Variants in FAM135B observed in about 807,000 individuals in gnomAD.
FAM135B encodes the protein family with sequence similarity 135 member B.
A neutral mutation model predicts 127.7 loss-of-function variants in FAM135B; 43 were observed. The observed-to-expected ratio is 0.34, with a 90% CI of 0.26 to 0.43. The LOEUF is 0.43. Ranked by LOEUF, FAM135B falls within the 20% of genes least tolerant of loss-of-function variation. FAM135B has a pLI of 1.00. For missense variants in FAM135B, 1,558 were observed against 1,725.6 expected, an observed-to-expected ratio of 0.90 and a Z score of 1.72; for synonymous variants, 670 against 665.1, an observed-to-expected ratio of 1.01 and a Z score of -0.11.
At chr8:138,371,075 C>T (rs1393774152) in intron 1 of FAM135B, among the ~76,000 whole-genome samples, 2 of 152,180 alleles carry the variant, frequency 1.3e-5, no homozygotes, top group African/African-American at 2.4e-5. Context: ...TTGAGAACCA[C>T]TGGCCTAAAG....
At chr8:138,205,160 C>T (rs991330088) in intron 7 of FAM135B, among the ~76,000 whole-genome samples, 1 of 152,168 alleles carries the variant, frequency 6.6e-6, no homozygotes, top group African/African-American at 2.4e-5. Flanking sequence ...GAATTAAGTG[C>T]TTTATGTGTA....
chr8:138,229,118 G>A lies in FAM135B; in HGVS notation c.669+13824C>T, dbSNP rs74800056. On this transcript the variant is annotated intron_variant, in intron 7 of 19. Coordinates refer to ENST00000395297, the MANE Select transcript of FAM135B (RefSeq NM_015912.4). The stretch of plus-strand genomic sequence containing the variant: ...CAATGCTGTCAGCACAATGCTGTTT[G>A]GTCAGTTTCTGGCTGTCTTCATTAC... Among the ~76,000 whole-genome samples, 1,203 of 152,200 alleles carry A rather than the reference G, an allele frequency of 7.9e-3. 58 individuals are homozygous for A. The East Asian group carries it at 0.13, about 16-fold the overall frequency.
intron 7 of FAM135B, among the ~76,000 whole-genome samples, chr8:138,222,701 T>A (rs751759613): frequency 5.4e-4 from 70 of 129,926 alleles, no homozygotes; most frequent in Non-Finnish European, 7.7e-4. Flanking sequence ...TTTTTTTTTT[T>A]AATTCTGAGC....
At chr8:138,146,133 C>G (rs1329484380) in intron 14 of FAM135B, 83 bp from the exon 15 acceptor site, 1 of 700,358 alleles carries the variant, frequency 1.4e-6, no homozygotes, top group Non-Finnish European at 2.5e-6. Context: ...TTTCTCTCTC[C>G]CTCTTTCCCC....
At chr8:138,222,255 G>T (rs1396321790) in intron 7 of FAM135B, among the ~76,000 whole-genome samples, 1 of 152,204 alleles carries the variant, frequency 6.6e-6, no homozygotes, top group Non-Finnish European at 1.5e-5. Context: ...GGTAGTGGCA[G>T]ATAAAAGGGG....
At chr8:138,188,737 G>A (rs1445173720) in intron 9 of FAM135B, among the ~76,000 whole-genome samples, 5 of 152,098 alleles carry the variant, frequency 3.3e-5, no homozygotes, top group Non-Finnish European at 5.9e-5. Flanking sequence ...TGCACCTCAC[G>A]CCTTGCTGCT....
At chr8:138,278,601 T>C (rs1440844733) in intron 3 of FAM135B, among the ~76,000 whole-genome samples, 1 of 123,646 alleles carries the variant, frequency 8.1e-6, no homozygotes, top group Non-Finnish European at 1.6e-5. Flanking sequence ...TCTTGCTCTG[T>C]CGCCCAGGCT....
chr8:138,198,487 G>A (rs1816843847), intron 7 of FAM135B, among the ~76,000 whole-genome samples: 1 of 152,190 alleles, frequency 6.6e-6, no homozygotes, highest in Non-Finnish European at 1.5e-5. Flanking sequence ...AAAGACCCTT[G>A]TAGCAGGTGG....
intron 9 of FAM135B, among the ~76,000 whole-genome samples, chr8:138,181,111 G>A (rs983070140): frequency 1.6e-4 from 25 of 151,862 alleles, no homozygotes; most frequent in Admixed American, 1.6e-3. Flanking sequence ...CATGGTGGCA[G>A]GTGCCTATAG....
chr8:138,151,869 T>C lies in FAM135B; in HGVS notation c.2606A>G (p.Asn869Ser). The change falls in exon 13 of 20, where the codon AAC becomes AGC. Residue 869 changes from asparagine (N) to serine (S), a missense_variant. Coordinates refer to ENST00000395297, the MANE Select transcript of FAM135B (RefSeq NM_015912.4). ...ACCTTTGGTTTCAACACCTGGAGTG[T>C]TCTCAGTCCTGCCATCAGGAAGACA... ...GHCLPDGRTE[N>S]TPGVETKGLN... 6.2e-7 allele frequency: 1 copy of C among 1,614,046 alleles called. No individual in the cohort carries two copies. Among genetic ancestry groups the C allele is most frequent in the Non-Finnish European group, 8.5e-7 (1 of 1,179,904 alleles).
intron 1 of FAM135B, among the ~76,000 whole-genome samples, chr8:138,445,251 T>C (rs1026059957): frequency 6.6e-6 from 1 of 152,218 alleles, no homozygotes; most frequent in Non-Finnish European, 1.5e-5. Context: ...CCATTCCTTC[T>C]GAAACTATTC....
chr8:138,217,080 G>T (rs1162972824), intron 7 of FAM135B, among the ~76,000 whole-genome samples: 1 of 152,152 alleles, frequency 6.6e-6, no homozygotes, highest in African/African-American at 2.4e-5. Flanking sequence ...TGTAAGCATT[G>T]CCTGTCACCA....
chr8:138,371,517 A>T (rs1831122178), intron 1 of FAM135B, among the ~76,000 whole-genome samples: 1 of 152,152 alleles, frequency 6.6e-6, no homozygotes, highest in Non-Finnish European at 1.5e-5. Context: ...TTCAGGTGCA[A>T]GTTTCTGAGA....
In FAM135B at chr8:138,143,072, C is replaced by T. The variant is rs761090729; in HGVS notation, c.3578G>A (p.Arg1193Gln). ...GTGTTGAATGATTTCATCCAATAAC[C>T]GATCCGTCATAGTATCAAAATCTGC... ...TFADFDTMTD[R>Q]LLDEIIQHIQ... Residue 1193 changes from arginine (R) to glutamine (Q), a missense_variant, in exon 16 of 20, where the codon CGG becomes CAG. Around this residue, in one of 5 missense-constraint regions of FAM135B, gnomAD observed 194 missense variants for 333.8 expected, o/e 0.58. Coordinates refer to ENST00000395297, the MANE Select transcript of FAM135B (RefSeq NM_015912.4). The T allele has an allele frequency of 5.6e-6, 9 of 1,610,012 alleles. No homozygotes were observed. Among genetic ancestry groups the T allele is most frequent in the South Asian group, 2.2e-5 (2 of 91,016 alleles).
Position 138,295,166 on chromosome 8 carries a change from A to C in FAM135B, c.157+15675T>G, listed in dbSNP as rs577078339. 7.5e-4 allele frequency among the ~76,000 whole-genome samples: 98 copies of C among 130,222 alleles called. 2 individuals carry two copies. In the South Asian group the frequency reaches 0.024, roughly 32 times the overall value. 85.4% of individuals were successfully genotyped at this position (130,222 alleles called of 152,430 possible). A position where few individuals can be genotyped will look rare whatever the true frequency, so the allele number is the denominator to read the frequency against. ...CCCTTGCCCAGGCTCCTCAATGCAC[A>C]AGCACAGGAAGGGCTGACGTCTAGC... On this transcript the variant is annotated intron_variant, in intron 3 of 19. Coordinates refer to ENST00000395297, the MANE Select transcript of FAM135B (RefSeq NM_015912.4).
intron 1 of FAM135B, among the ~76,000 whole-genome samples, chr8:138,487,044 C>T (rs1443953687): frequency 6.6e-6 from 1 of 151,960 alleles, no homozygotes; most frequent in East Asian, 1.9e-4. Context: ...TATACATGTG[C>T]CAGTTTTCAA....
At chr8:138,390,301 C>T (rs1832475358) in intron 1 of FAM135B, among the ~76,000 whole-genome samples, 1 of 152,072 alleles carries the variant, frequency 6.6e-6, no homozygotes, top group African/African-American at 2.4e-5. Flanking sequence ...GGGCGGTTTC[C>T]CCCAGCTGTT....
chr8:138,396,147 C>T (rs1221843135), intron 1 of FAM135B, among the ~76,000 whole-genome samples: 8 of 152,330 alleles, frequency 5.3e-5, no homozygotes, highest in South Asian at 2.1e-4. Flanking sequence ...AGAAGACCAG[C>T]GCTTCCCCTT....
intron 2 of FAM135B, among the ~76,000 whole-genome samples, chr8:138,339,621 T>C (rs1284580886): frequency 6.6e-6 from 1 of 152,116 alleles, no homozygotes; most frequent in African/African-American, 2.4e-5. Flanking sequence ...ACAGATTGCA[T>C]ATGTGTCACA....
Sources: gnomAD v4.1 joint callset for allele counts (sites outside exome capture counted in the v4.1 genomes callset) on GRCh38, gnomAD v4.1.1 for gene constraint, gnomAD v4.1.1 regional missense constraint, MANE v1.5 for transcripts, NCBI Gene and HGNC (gene_info 2026-07-23, HGNC 2026-07-21) for gene names.